ADGRB3: variants seen among roughly 807,000 people sequenced by gnomAD.
ADGRB3 encodes the protein adhesion G protein-coupled receptor B3.
A neutral mutation model predicts 193.4 loss-of-function variants in ADGRB3; 37 were observed. That is an observed-to-expected ratio of 0.19 (90% CI 0.15 to 0.25). The LOEUF is 0.25. ADGRB3 is among the 10% of genes least tolerant of loss of function. The pLI is 1.00. For synonymous variants in ADGRB3, 690 were observed against 644.2 expected (o/e 1.07, Z -1.08); for missense variants, 1,637 against 1,852.9 (o/e 0.88, Z 2.14).
chr6:69,285,542 G>A (rs1767530871), intron 20 of ADGRB3, among the ~76,000 whole-genome samples: 1 of 151,972 alleles, frequency 6.6e-6, no homozygotes, highest in Non-Finnish European at 1.5e-5. Flanking sequence ...ATGGTGGTAG[G>A]TGCCTGTAAT....
chr6:69,080,461 T>G (rs1248926301), intron 17 of ADGRB3, among the ~76,000 whole-genome samples: 2 of 151,940 alleles, frequency 1.3e-5, no homozygotes, highest in East Asian at 3.9e-4. Flanking sequence ...AATAATCTTC[T>G]TATAAGTATG....
chr6:68,929,997 T>A (rs1767293788), intron 3 of ADGRB3, among the ~76,000 whole-genome samples: 1 of 150,020 alleles, frequency 6.7e-6, no homozygotes, highest in Non-Finnish European at 1.5e-5. Context: ...AAGGAAATAA[T>A]GAGAATGAAC....
intron 3 of ADGRB3, among the ~76,000 whole-genome samples, chr6:68,860,154 C>T (rs1028887390): frequency 2.0e-5 from 3 of 151,946 alleles, no homozygotes; most frequent in African/African-American, 4.8e-5. Flanking sequence ...TTGTGTTATG[C>T]TGTTCTATAT....
chr6:69,174,708 A>G (rs145776605), intron 17 of ADGRB3, among the ~76,000 whole-genome samples: 1 of 152,176 alleles, frequency 6.6e-6, no homozygotes, highest in African/African-American at 2.4e-5. Context: ...TAATTTACCT[A>G]ATTTACATTC....
At chr6:69,077,132 C>G (rs1166714522) in intron 17 of ADGRB3, among the ~76,000 whole-genome samples, 1 of 151,956 alleles carries the variant, frequency 6.6e-6, no homozygotes, top group Non-Finnish European at 1.5e-5. Flanking sequence ...ACAGAGAATT[C>G]CAACTTGCCC....
At chr6:69,055,427 C>T (rs12525989) in intron 15 of ADGRB3, among the ~76,000 whole-genome samples, 11,773 of 152,202 alleles carry the variant, frequency 0.077, 566 homozygotes, top group Non-Finnish European at 0.11. Flanking sequence ...AGCACAATAT[C>T]CTTTGGGTTC....
rs1442679423 is a variant in ADGRB3, at chr6:68,637,483, G to A, written c.-95G>A. 1 of 152,612 alleles carries A rather than the reference G, an allele frequency of 6.6e-6. No homozygotes were observed. The highest frequency in any genetic ancestry group is 1.9e-4 in the East Asian group (1 of 5,190). The allele number at this position is 152,612 out of a possible 1,614,324, so 9.5% of individuals were successfully genotyped here. On this transcript the variant is annotated 5_prime_UTR_variant, in exon 2 of 32. Coordinates refer to ENST00000370598, the MANE Select transcript of ADGRB3 (RefSeq NM_001704.3). Reference sequence around the variant, plus strand: ...GGCTAAACAAACAAACAAAAGCAGTGTCATTTATTCTAAGAAATAACTTCT... The same window carrying A: ...GGCTAAACAAACAAACAAAAGCAGTATCATTTATTCTAAGAAATAACTTCT...
chr6:69,152,628 C>T (rs878925998), intron 17 of ADGRB3, among the ~76,000 whole-genome samples: 1 of 152,122 alleles, frequency 6.6e-6, no homozygotes, highest in Non-Finnish European at 1.5e-5. Flanking sequence ...ATTTTTAAAT[C>T]CACATGTGTT....
intron 19 of ADGRB3, 49 bp from the exon 20 acceptor site, chr6:69,239,075 A>G (rs761939036): frequency 2.7e-6 from 3 of 1,118,290 alleles, no homozygotes; most frequent in East Asian, 2.4e-5. Flanking sequence ...ATAATTCTTC[A>G]TCTTTCTGTT....
intron 22 of ADGRB3, among the ~76,000 whole-genome samples, chr6:69,328,282 A>G (rs1270998546): frequency 6.6e-6 from 1 of 152,148 alleles, no homozygotes; most frequent in African/African-American, 2.4e-5. Context: ...AAGTTTTGTC[A>G]TGTTAGTTCA....
intron 17 of ADGRB3, among the ~76,000 whole-genome samples, chr6:69,201,966 A>G (rs1765425432): frequency 1.3e-5 from 2 of 152,070 alleles, no homozygotes; most frequent in South Asian, 4.1e-4. Flanking sequence ...TCCAGGAAAA[A>G]CTGAGCTCTT....
chr6:68,854,823 C>G (rs1393181587), intron 3 of ADGRB3, among the ~76,000 whole-genome samples: 3 of 152,192 alleles, frequency 2.0e-5, no homozygotes, highest in Non-Finnish European at 4.4e-5. Flanking sequence ...ATGCCACAGT[C>G]TATCCACCTT....
intron 31 of ADGRB3, among the ~76,000 whole-genome samples, chr6:69,386,823 C>A (rs960824947): frequency 6.6e-6 from 1 of 151,992 alleles, no homozygotes; most frequent in Non-Finnish European, 1.5e-5. Flanking sequence ...TTATGTGTTT[C>A]CTGTATAAAG....
chr6:69,136,297 A>C (rs570983031), intron 17 of ADGRB3, among the ~76,000 whole-genome samples: 1 of 152,224 alleles, frequency 6.6e-6, no homozygotes, highest in Admixed American at 6.5e-5. Flanking sequence ...TAATGCTGGC[A>C]CCAAAAAATA....
intron 17 of ADGRB3, among the ~76,000 whole-genome samples, chr6:69,173,920 G>A (rs1439534289): frequency 2.0e-5 from 3 of 152,092 alleles, no homozygotes; most frequent in Admixed American, 6.5e-5. Context: ...ATGCAGGAAT[G>A]GTAATTTGTT....
At chr6:69,206,045 G>GTGTATATATATATATATA (rs1327162820) in intron 17 of ADGRB3, among the ~76,000 whole-genome samples, 1 of 99,950 alleles carries the variant, frequency 1.0e-5, no homozygotes, top group Non-Finnish European at 1.9e-5. Context: ...TATAATAATG[G>GTGTATATATATATATATA]TATATATATA....
intron 24 of ADGRB3, among the ~76,000 whole-genome samples, chr6:69,335,867 T>C (rs1218056599): frequency 2.0e-5 from 3 of 152,032 alleles, no homozygotes; most frequent in African/African-American, 7.2e-5. Context: ...CCATTTTTTC[T>C]GTTTCTTTGT....
intron 3 of ADGRB3, among the ~76,000 whole-genome samples, chr6:68,906,356 GTATATTGAAGGTATACCATA>G (rs1432208235): frequency 6.6e-6 from 1 of 151,594 alleles, no homozygotes; most frequent in Non-Finnish European, 1.5e-5. Flanking sequence ...GGTATACCAT[GTATATTGAAGGTATACCATA>G]TATATTGTTG....
intron 17 of ADGRB3, among the ~76,000 whole-genome samples, chr6:69,229,808 A>G (rs779192540): frequency 6.6e-5 from 10 of 152,236 alleles, no homozygotes; most frequent in Non-Finnish European, 1.3e-4. Context: ...CAAAAACTCA[A>G]CCAAATACTC....
Sources: allele counts gnomAD v4.1 joint callset (sites outside exome capture counted in the v4.1 genomes callset), GRCh38; gene constraint gnomAD v4.1.1; transcripts MANE v1.5; gene names NCBI Gene and HGNC (gene_info 2026-07-23, HGNC 2026-07-21).